The following SERPINB10 variants were observed in gnomAD, a reference collection of about 807,000 sequenced individuals.
The protein encoded by SERPINB10 is serpin B10.
A neutral mutation model predicts 39.1 loss-of-function variants in SERPINB10; 35 were observed. The ratio of observed to expected loss-of-function variants is 0.90; its 90% CI spans 0.68 to 1.19. The LOEUF is 1.19. Ranked by LOEUF, SERPINB10 falls within the 50% of genes most tolerant of loss-of-function variation. The pLI, the probability that SERPINB10 is intolerant of heterozygous loss-of-function variation, is 0.00. For missense variants in SERPINB10, 546 were observed against 460.5 expected (o/e 1.19, Z -1.70); for synonymous variants, 190 against 158.1 (o/e 1.20, Z -1.52).
chr18:63,921,321 T>C (rs184178115), intron 5 of SERPINB10, among the ~76,000 whole-genome samples: 20 of 152,034 alleles, frequency 1.3e-4, no homozygotes, highest in Non-Finnish European at 2.2e-4. Context: ...AAGGGTCCCA[T>C]GCATTTCAAA....
At chr18:63,918,606 C>T (rs2050122329) in intron 4 of SERPINB10, among the ~76,000 whole-genome samples, 1 of 151,940 alleles carries the variant, frequency 6.6e-6, no homozygotes, top group South Asian at 2.1e-4. Flanking sequence ...TCTCTTTGGG[C>T]AGGAGGACCC....
Position 63,934,832 on chromosome 18 carries a change from G to A in SERPINB10, c.790-6G>A. 6.3e-7 allele frequency: 1 copy of A among 1,586,116 alleles called. No homozygotes were observed. Among genetic ancestry groups the A allele is most frequent in the Non-Finnish European group, 8.6e-7 (1 of 1,166,818 alleles). On this transcript the variant is annotated splice_region_variant and splice_polypyrimidine_tract_variant and intron_variant, in intron 7 of 7. Coordinates refer to ENST00000238508, the MANE Select transcript of SERPINB10 (RefSeq NM_005024.3). Reference sequence around the variant, plus strand: ...GATTCTTTCTTTCTTGGTTCCAAATGGGCAGCTGGAAAAGGCCATCACCTA... The same window carrying A: ...GATTCTTTCTTTCTTGGTTCCAAATAGGCAGCTGGAAAAGGCCATCACCTA...
rs200832026 is a variant in SERPINB10 at position 63,915,684 on chromosome 18, T to A, written c.168+6T>A. On this transcript the variant is annotated splice_donor_region_variant and intron_variant, in intron 2 of 7. Coordinates refer to ENST00000238508, the MANE Select transcript of SERPINB10 (RefSeq NM_005024.3). ...CTGCAGCCCAAATGGCCCAGGTGAGTGGAAAAGGTCAACTATCTTCTGTTT... is the reference window on the plus strand; with the variant it reads ...CTGCAGCCCAAATGGCCCAGGTGAGAGGAAAAGGTCAACTATCTTCTGTTT... The A allele has an allele frequency of 1.1e-5, 17 of 1,595,918 alleles. No individual in the cohort carries two copies. Among genetic ancestry groups the A allele is most frequent in the Non-Finnish European group, 2.6e-6 (3 of 1,168,834 alleles).
chr18:63,927,020 T>C (rs1362451909), intron 5 of SERPINB10, among the ~76,000 whole-genome samples: 3 of 151,982 alleles, frequency 2.0e-5, no homozygotes, highest in Non-Finnish European at 4.4e-5. Flanking sequence ...TTCATTGTTT[T>C]TTAGTTGATT....
At chr18:63,918,634 A>C (rs2050122631) in intron 4 of SERPINB10, among the ~76,000 whole-genome samples, 1 of 152,032 alleles carries the variant, frequency 6.6e-6, no homozygotes, top group South Asian at 2.1e-4. Context: ...CAGTGGGCAA[A>C]GAGCAAGGAA....
intron 4 of SERPINB10, among the ~76,000 whole-genome samples, chr18:63,919,236 A>ATTTTTTTTTTTTTTTTTTTTT (rs397969917): frequency 7.0e-6 from 1 of 142,864 alleles, no homozygotes; most frequent in Non-Finnish European, 1.5e-5. Context: ...TGAAGGCCTC[A>ATTTTTTTTTTTTTTTTTTTTT]TTTTTTTTTT....
At chr18:63,913,430 C>T (rs975067943) in intron 1 of SERPINB10, among the ~76,000 whole-genome samples, 3 of 151,944 alleles carry the variant, frequency 2.0e-5, no homozygotes, top group Non-Finnish European at 4.4e-5. Context: ...AAACTTTCCT[C>T]CTAACACTGC....
chr18:63,923,200 C>T (rs2050158486), intron 5 of SERPINB10, among the ~76,000 whole-genome samples: 1 of 152,000 alleles, frequency 6.6e-6, no homozygotes, highest in Non-Finnish European at 1.5e-5. Context: ...CTCTATTCCT[C>T]AGAAGCAGAA....
intron 1 of SERPINB10, among the ~76,000 whole-genome samples, chr18:63,909,730 C>T (rs914539231): frequency 1.3e-5 from 2 of 151,888 alleles, no homozygotes; most frequent in Non-Finnish European, 2.9e-5. Flanking sequence ...AAACATTTTC[C>T]GTGTAAATTT....
intron 4 of SERPINB10, among the ~76,000 whole-genome samples, chr18:63,919,459 C>CAAA (rs2050130214): frequency 6.6e-6 from 1 of 151,832 alleles, no homozygotes. Context: ...TGGGGTCACT[C>CAAA]TTGTTATTTG....
At chr18:63,919,997 T>C (rs2050135599) in intron 5 of SERPINB10, 92 bp downstream of exon 5, 1 of 701,060 alleles carries the variant, frequency 1.4e-6, no homozygotes, top group Non-Finnish European at 2.4e-6. Flanking sequence ...TGTATACTCC[T>C]TAAATAGAAG....
intron 5 of SERPINB10, among the ~76,000 whole-genome samples, chr18:63,923,633 A>G (rs2050161240): frequency 6.6e-6 from 1 of 151,848 alleles, no homozygotes; most frequent in Admixed American, 6.6e-5. Context: ...TATTTACTTT[A>G]TAACTTTGCT....
chr18:63,916,347 TAA>T (rs67094942), intron 2 of SERPINB10, among the ~76,000 whole-genome samples: 1,639 of 136,620 alleles, frequency 0.012, 22 homozygotes, highest in African/African-American at 0.036. Flanking sequence ...TGATTTTAAA[TAA>T]AAAAAAAAAA....
chr18:63,919,434 G>C (rs1015584832), intron 4 of SERPINB10, among the ~76,000 whole-genome samples: 1 of 151,896 alleles, frequency 6.6e-6, no homozygotes, highest in African/African-American at 2.4e-5. Flanking sequence ...ACAATGCCCA[G>C]TACCTCTTGG....
At chr18:63,929,734 GAA>G (rs796777562) in intron 5 of SERPINB10, among the ~76,000 whole-genome samples, 34,554 of 114,270 alleles carry the variant, frequency 0.3, 4,435 homozygotes, top group Middle Eastern at 0.4. Flanking sequence ...AAAAAAAAAA[GAA>G]AAAAAAAAAG....
intron 1 of SERPINB10, among the ~76,000 whole-genome samples, chr18:63,908,679 A>C (rs865831943): frequency 3.3e-5 from 5 of 151,982 alleles, no homozygotes; most frequent in Non-Finnish European, 7.4e-5. Context: ...ACCTGTTTCT[A>C]AAAAAGGCCT....
Position 63,933,067 on chromosome 18 carries a change from A to G in SERPINB10, c.653A>G (p.Gln218Arg). 2 of 1,613,916 alleles carry G rather than the reference A, an allele frequency of 1.2e-6. No individual in the cohort carries two copies. The highest frequency in any genetic ancestry group is 1.7e-6 in the Non-Finnish European group (2 of 1,179,942). ...TTTTAGACTACAAGCAAACCAGTGC[A>G]AATGATGTTTATGAAGAAAAAGCTT... The part of the protein sequence containing the change: ...RINETTSKPV[Q>R]MMFMKKKLHI... The change falls in exon 7 of 8, where the codon CAA becomes CGA. Residue 218 changes from glutamine to arginine, a missense_variant. Transcript: ENST00000238508.
At chr18:63,918,799 A>G (rs1599080420) in intron 4 of SERPINB10, among the ~76,000 whole-genome samples, 1 of 151,974 alleles carries the variant, frequency 6.6e-6, no homozygotes, top group East Asian at 1.9e-4. Flanking sequence ...TGGAATCTTA[A>G]AGACAGTTTC....
At chr18:63,910,278 A>C (rs1283767996) in intron 1 of SERPINB10, among the ~76,000 whole-genome samples, 2 of 152,006 alleles carry the variant, frequency 1.3e-5, no homozygotes, top group East Asian at 1.9e-4. Context: ...TAGGTATAAG[A>C]ATTTGAATTA....
Sources: gnomAD v4.1 joint callset for allele counts (sites outside exome capture counted in the v4.1 genomes callset) on GRCh38, gnomAD v4.1.1 for gene constraint, MANE v1.5 for transcripts, NCBI Gene and HGNC (gene_info 2026-07-23, HGNC 2026-07-21) for gene names.